The following WNT3 variants were observed in gnomAD, a reference collection of about 807,000 sequenced individuals.
The protein encoded by WNT3 is proto-oncogene Wnt-3.
WNT3 carries 7 observed loss-of-function variants against 34.2 expected under a neutral mutation model. The ratio of observed to expected loss-of-function variants is 0.20; its 90% CI spans 0.12 to 0.38. The LOEUF is 0.38. Ranked by LOEUF, WNT3 falls within the 10% of genes least tolerant of loss-of-function variation. WNT3 has a pLI of 1.00. For synonymous variants in WNT3, 212 were observed against 211.5 expected (o/e 1.00, Z -0.02); for missense variants, 267 against 499.8 (o/e 0.53, Z 4.44).
At chr17:46,771,747 G>A (rs1439504544) in intron 2 of WNT3, among the ~76,000 whole-genome samples, 1 of 97,910 alleles carries the variant, frequency 1.0e-5, no homozygotes, top group Non-Finnish European at 2.1e-5. Flanking sequence ...CCATTGAAGC[G>A]GCGCCCCCCG....
chr17:46,791,141 T>C (rs897338233), intron 1 of WNT3, among the ~76,000 whole-genome samples: 20 of 152,208 alleles, frequency 1.3e-4, no homozygotes, highest in African/African-American at 4.3e-4. Flanking sequence ...CCCTACTGGG[T>C]TGGGGGCTCC....
chr17:46,788,965 G>C (rs1180128993), intron 1 of WNT3, among the ~76,000 whole-genome samples: 1 of 152,244 alleles, frequency 6.6e-6, no homozygotes, highest in Non-Finnish European at 1.5e-5. Context: ...CAGCCCAGTG[G>C]GGAACACACA....
intron 1 of WNT3, among the ~76,000 whole-genome samples, chr17:46,790,413 T>C (rs1055199421): frequency 3.3e-5 from 5 of 151,986 alleles, no homozygotes; most frequent in Non-Finnish European, 7.4e-5. Context: ...GAAAGGGATT[T>C]AAGTGGTCTA....
In WNT3 at chr17:46,763,469, GA is replaced by G. The variant is rs1463302479; in HGVS notation, c.*1160del. The G allele has an allele frequency of 6.6e-6, 1 of 152,224 alleles. No individual in the cohort carries two copies. The highest frequency in any genetic ancestry group is 6.5e-5 in the Admixed American group (1 of 15,272). 9.4% of individuals were successfully genotyped at this position (152,224 alleles called of 1,614,324 possible). A position where few individuals can be genotyped will look rare whatever the true frequency, so the allele number is the denominator to read the frequency against. ...GCAGGTGAGGGAGGAAGAGCTGGGGGAAAGAACTCTGTGTCTGTGTTTACTC... is the reference window on the plus strand; with the variant it reads ...GCAGGTGAGGGAGGAAGAGCTGGGGGAAGAACTCTGTGTCTGTGTTTACTC... On this transcript the variant is annotated 3_prime_UTR_variant, in exon 5 of 5. Transcript: ENST00000225512.
chr17:46,798,767 A>G (rs1437907034), intron 1 of WNT3, among the ~76,000 whole-genome samples: 7 of 152,198 alleles, frequency 4.6e-5, no homozygotes, highest in African/African-American at 1.4e-4. Flanking sequence ...AATCCCTGAT[A>G]GGCTGGGCGC....
At chr17:46,771,656 G>A (rs1387590317) in intron 2 of WNT3, among the ~76,000 whole-genome samples, 1 of 143,216 alleles carries the variant, frequency 7.0e-6, no homozygotes, top group African/African-American at 2.5e-5. Context: ...CCGGGCCGCC[G>A]GGCCGGCCGC....
At chr17:46,775,394 CT>C (rs1448012904) in intron 1 of WNT3, among the ~76,000 whole-genome samples, 1 of 152,128 alleles carries the variant, frequency 6.6e-6, no homozygotes, top group Non-Finnish European at 1.5e-5. Flanking sequence ...ACAGAGCTCC[CT>C]GGGCACCGTG....
At chr17:46,805,506 G>C (rs1372249207) in intron 1 of WNT3, among the ~76,000 whole-genome samples, 2 of 152,200 alleles carry the variant, frequency 1.3e-5, no homozygotes, top group Non-Finnish European at 2.9e-5. Flanking sequence ...CGGGGAGGTG[G>C]AGGTTGCAGT....
chr17:46,788,419 G>A (rs1687170069), intron 1 of WNT3, among the ~76,000 whole-genome samples: 1 of 152,092 alleles, frequency 6.6e-6, no homozygotes, highest in African/African-American at 2.4e-5. Flanking sequence ...GACTTTGCTG[G>A]GTCCCCACAT....
intron 1 of WNT3, among the ~76,000 whole-genome samples, chr17:46,814,058 T>C (rs990765240): frequency 6.6e-6 from 1 of 152,188 alleles, no homozygotes; most frequent in African/African-American, 2.4e-5. Context: ...CTGCCTCTTT[T>C]GACCTCATCG....
rs2059294660 is a variant in WNT3 at position 46,764,297 on chromosome 17, A to T, written c.*333T>A. 6.6e-6 allele frequency: 1 copy of T among 152,592 alleles called. No individual in the cohort carries two copies. The highest frequency in any genetic ancestry group is 2.4e-5 in the African/African-American group (1 of 41,438). 9.5% of individuals were successfully genotyped at this position (152,592 alleles called of 1,614,324 possible). ...ACATTAGCCCAGCCTGTTCTGTTGG[A>T]GTCAAATTTTTTTTCATTTTTATTT... On this transcript the variant is annotated 3_prime_UTR_variant, in exon 5 of 5. Transcript: ENST00000225512.
chr17:46,818,459 C>G lies in WNT3; in HGVS notation c.80+59G>C, dbSNP rs867600557. On this transcript the variant is annotated intron_variant, in intron 1 of 4. Transcript: ENST00000225512. ...GCGGCCCACCCCCAGCCGGCGCCCC[C>G]ACCTTCCCCGGACGCGGCGGAGAAA... The G allele has an allele frequency of 3.2e-6, 5 of 1,545,028 alleles. No individual in the cohort carries two copies. The African/African-American group carries it at 4.1e-5, about 13-fold the overall frequency.
At chr17:46,790,059 T>C (rs2083961828) in intron 1 of WNT3, among the ~76,000 whole-genome samples, 1 of 152,136 alleles carries the variant, frequency 6.6e-6, no homozygotes, top group Non-Finnish European at 1.5e-5. Context: ...AAGCGCTGGC[T>C]GCCCCTCCCT....
Position 46,764,039 on chromosome 17 carries a change from C to CT in WNT3, c.*590dup, listed in dbSNP as rs1218935855. On this transcript the variant is annotated 3_prime_UTR_variant, in exon 5 of 5. Transcript: ENST00000225512. ...GTTCTTCCAAACTCCAAATCCTACT[C>CT]TAACAACTGCCACGGACCTTCCTAC... 2 of 152,210 alleles carry CT rather than the reference C, an allele frequency of 1.3e-5. No individual in the cohort carries two copies. Among genetic ancestry groups the CT allele is most frequent in the East Asian group, 1.9e-4 (1 of 5,192 alleles). The allele number at this position is 152,210 out of a possible 1,614,324, so 9.4% of individuals were successfully genotyped here.
At chr17:46,790,987 CCT>C (rs2083978148) in intron 1 of WNT3, among the ~76,000 whole-genome samples, 1 of 152,178 alleles carries the variant, frequency 6.6e-6, no homozygotes, top group Non-Finnish European at 1.5e-5. Flanking sequence ...CTGGGGTTTT[CCT>C]CTTTTCTTTT....
At chr17:46,818,455 C>G (rs2084382163) in intron 1 of WNT3, 63 bp downstream of exon 1, 1 of 1,530,000 alleles carries the variant, frequency 6.5e-7, no homozygotes, top group Admixed American at 1.9e-5. Flanking sequence ...CCAGCCGGCG[C>G]CCCCACCTTC....
intron 1 of WNT3, among the ~76,000 whole-genome samples, chr17:46,816,025 C>A (rs1460843609): frequency 6.6e-6 from 1 of 152,156 alleles, no homozygotes; most frequent in African/African-American, 2.4e-5. Flanking sequence ...CAAGCACAAT[C>A]AGGTCATGGC....
chr17:46,788,524 A>G (rs188425741), intron 1 of WNT3, among the ~76,000 whole-genome samples: 36 of 152,188 alleles, frequency 2.4e-4, no homozygotes, highest in South Asian at 1.2e-3. Flanking sequence ...TTCATCCCTC[A>G]AGGTCCCATG....
In WNT3 at chr17:46,779,103, A is replaced by ACACACACACACCC. The variant is rs749719578; in HGVS notation, c.81-5195_81-5194insGGGTGTGTGTGTG. Among the ~76,000 whole-genome samples the ACACACACACACCC allele has an allele frequency of 1.3e-4, 18 of 133,656 alleles. 1 individual carries two copies. The highest frequency in any genetic ancestry group is 3.7e-3 in the Middle Eastern group (1 of 272). 87.7% of individuals were successfully genotyped at this position (133,656 alleles called of 152,430 possible). On this transcript the variant is annotated intron_variant, in intron 1 of 4. Transcript: ENST00000225512. Reference sequence around the variant, plus strand: ...CACACACACACACACACACACACACACCCCAGCCCACTCGGCCTTCCAAAG... The same window carrying ACACACACACACCC: ...CACACACACACACACACACACACACACACACACACACCCCCCCAGCCCACTCGGCCTTCCAAAG...
Sources: allele counts gnomAD v4.1 joint callset (sites outside exome capture counted in the v4.1 genomes callset), GRCh38; gene constraint gnomAD v4.1.1; transcripts MANE v1.5; gene names NCBI Gene and HGNC (gene_info 2026-07-23, HGNC 2026-07-21).